The following KCNQ1 variants were observed in gnomAD, a reference collection of about 807,000 sequenced individuals.
KCNQ1 encodes potassium voltage-gated channel subfamily Q member 1.
KCNQ1 carries 49 observed loss-of-function variants against 72.4 expected under a neutral mutation model. That is an observed-to-expected ratio of 0.68 (90% CI 0.54 to 0.86). KCNQ1 has a LOEUF of 0.86. Among genes scored for constraint, KCNQ1 ranks in the 40% least tolerant of loss-of-function variants. KCNQ1 has a pLI of 0.00. For synonymous variants in KCNQ1, 450 were observed against 412.6 expected, an observed-to-expected ratio of 1.09 and a Z score of -1.10; for missense variants, 790 against 945.1, an observed-to-expected ratio of 0.84 and a Z score of 2.15.
Position 2,628,780 on chromosome 11 carries a change from T to C in KCNQ1, c.1394-33181T>C, listed in dbSNP as rs148996424. On this transcript the variant is annotated intron_variant, in intron 10 of 15. Coordinates refer to ENST00000155840, the MANE Select transcript of KCNQ1 (RefSeq NM_000218.3). ...TTTCAGGTCATATGTTTAAATCTTA[T>C]TCACTTTTCTCTACAGTGTAGGGTA... is the stretch of plus-strand genomic sequence containing the variant. 2,215 of 398,424 alleles carry C rather than the reference T, an allele frequency of 5.6e-3. 10 individuals carry two copies. Among genetic ancestry groups the C allele is most frequent in the Middle Eastern group, 0.021 (34 of 1,584 alleles). The allele number at this position is 398,424 out of a possible 1,614,324, so 24.7% of individuals were successfully genotyped here.
intron 1 of KCNQ1, among the ~76,000 whole-genome samples, chr11:2,469,901 C>T (rs1846417173): frequency 6.6e-6 from 1 of 151,976 alleles, no homozygotes; most frequent in Non-Finnish European, 1.5e-5. Context: ...ACCTCGTGAT[C>T]CGCCCGCCTC....
chr11:2,541,244 G>A lies in KCNQ1; in HGVS notation c.477+13226G>A, dbSNP rs768828340. ...AAATGTCAAGTGTGTGCCGAGAGGC[G>A]CAGGCCAGCCCCTTTTCCTGGCGGG... On this transcript the variant is annotated intron_variant, in intron 2 of 15. Coordinates refer to ENST00000155840, the MANE Select transcript of KCNQ1 (RefSeq NM_000218.3). This position sits in a 1 kb window ranked among gnomAD's most constrained non-coding sequence, Gnocchi z 4.8. 1.3e-5 allele frequency among the ~76,000 whole-genome samples: 2 copies of A among 152,242 alleles called. No individual in the cohort carries two copies. The highest frequency in any genetic ancestry group is 2.4e-5 in the African/African-American group (1 of 41,466).
intron 1 of KCNQ1, among the ~76,000 whole-genome samples, chr11:2,487,490 C>T (rs1429671671): frequency 6.6e-6 from 1 of 152,164 alleles, no homozygotes; most frequent in East Asian, 1.9e-4. Context: ...ACATTGTCTT[C>T]TAATCCATGA....
rs892461588 is a variant in KCNQ1, at chr11:2,495,043, C to T, written c.387-32885C>T. Among the ~76,000 whole-genome samples, 3 of 152,006 alleles carry T rather than the reference C, an allele frequency of 2.0e-5. No homozygotes were observed. The highest frequency in any genetic ancestry group is 2.1e-4 in the South Asian group (1 of 4,824). On this transcript the variant is annotated intron_variant, in intron 1 of 15. Transcript: ENST00000155840. This position sits in a 1 kb window ranked among gnomAD's most constrained non-coding sequence, Gnocchi z 4.6. ...CTTGTTGTTGGTCTATTCAGGGATT[C>T]GACTTTTTCCTGGTTTAGTCTTGGA...
intron 11 of KCNQ1, among the ~76,000 whole-genome samples, chr11:2,707,487 A>C (rs1241271218): frequency 6.6e-6 from 1 of 151,932 alleles, no homozygotes; most frequent in Non-Finnish European, 1.5e-5. Context: ...CCTGCCTCCA[A>C]CCTTACTCCT....
At chr11:2,675,946 C>A (rs1564854582) in intron 11 of KCNQ1, 1 of 398,630 alleles carries the variant, frequency 2.5e-6, no homozygotes. Flanking sequence ...ATGGTAAAAC[C>A]AATTCAGAGT....
In KCNQ1 at chr11:2,657,392, T is replaced by C. The variant is rs1241181477; in HGVS notation, c.1394-4569T>C. The C allele has an allele frequency of 1.5e-5, 6 of 398,438 alleles. No homozygotes were observed. The highest frequency in any genetic ancestry group is 4.4e-5 in the Admixed American group (1 of 22,722). The allele number at this position is 398,438 out of a possible 1,614,324, so 24.7% of individuals were successfully genotyped here. A position where few individuals can be genotyped will look rare whatever the true frequency, so the allele number is the denominator to read the frequency against. On this transcript the variant is annotated intron_variant, in intron 10 of 15. Transcript: ENST00000155840. The surrounding 1 kb of genome is among the most constrained non-coding windows in gnomAD (Gnocchi z 4.8). ...TCTTCTTCATTGTCTCTTACTAAAG[T>C]TTTACAATTTTCTCCAGAGTTCTTG... is the stretch of plus-strand genomic sequence containing the variant.
rs1217260976 is a variant in KCNQ1, at chr11:2,457,737, C to T, written c.386+12253C>T. 1.3e-5 allele frequency among the ~76,000 whole-genome samples: 2 copies of T among 151,662 alleles called. No individual in the cohort carries two copies. The highest frequency in any genetic ancestry group is 2.9e-5 in the Non-Finnish European group (2 of 68,002). On this transcript the variant is annotated intron_variant, in intron 1 of 15. Transcript: ENST00000155840. This position sits in a 1 kb window ranked among gnomAD's most constrained non-coding sequence, Gnocchi z 5.0. ...CCAAACCTCAGCATCATGCAATATACCTTTGTGACAAACCTGCACTTGTAC... is the reference window on the plus strand; with the variant it reads ...CCAAACCTCAGCATCATGCAATATATCTTTGTGACAAACCTGCACTTGTAC...
chr11:2,834,751 C>T (rs458441), intron 15 of KCNQ1, among the ~76,000 whole-genome samples: 1 of 152,214 alleles, frequency 6.6e-6, no homozygotes, highest in African/African-American at 2.4e-5. Context: ...CCAGATGGGC[C>T]TCGAATGCCA....
In KCNQ1 at chr11:2,817,866, C is replaced by G. The variant is rs942883851; in HGVS notation, c.1795-29901C>G. 6.6e-6 allele frequency among the ~76,000 whole-genome samples: 1 copy of G among 152,142 alleles called. No individual in the cohort carries two copies. The highest frequency in any genetic ancestry group is 1.5e-5 in the Non-Finnish European group (1 of 68,010). On this transcript the variant is annotated intron_variant, in intron 15 of 15. Coordinates refer to ENST00000155840, the MANE Select transcript of KCNQ1 (RefSeq NM_000218.3). The surrounding 1 kb of genome is among the most constrained non-coding windows in gnomAD (Gnocchi z 6.1). The stretch of plus-strand genomic sequence containing the variant: ...GTATGTTAGAAACCTCTGGCACTCT[C>G]CCCTCCCCAGCCAGCACCTACCAGC...
intron 11 of KCNQ1, among the ~76,000 whole-genome samples, chr11:2,747,266 A>T (rs183266964): frequency 1.3e-5 from 2 of 152,372 alleles, no homozygotes; most frequent in African/African-American, 4.8e-5. Flanking sequence ...GTCTTCTCCA[A>T]TGGGGACTGT....
chr11:2,485,352 C>G (rs1426812573), intron 1 of KCNQ1, among the ~76,000 whole-genome samples: 3 of 146,242 alleles, frequency 2.1e-5, no homozygotes, highest in Non-Finnish European at 4.5e-5. Flanking sequence ...GCCCTTCCCT[C>G]CCCACTCCAT....
rs231844 is a variant in KCNQ1, at chr11:2,715,799, G to A, written c.1515-53045G>A. Among the ~76,000 whole-genome samples, 14,850 of 152,246 alleles carry A rather than the reference G, an allele frequency of 0.098. 762 individuals are homozygous for A. The highest frequency in any genetic ancestry group is 0.11 in the African/African-American group (4,652 of 41,534). On this transcript the variant is annotated intron_variant, in intron 11 of 15. Transcript: ENST00000155840. This position sits in a 1 kb window ranked among gnomAD's most constrained non-coding sequence, Gnocchi z 4.9. ...AGGGTTGACCAGCTGGAGCAGCCCC[G>A]CATCCCACATCCCCGCAGCCTTGCG...
intron 11 of KCNQ1, chr11:2,672,275 A>T: frequency 2.5e-6 from 1 of 398,648 alleles, no homozygotes; most frequent in Non-Finnish European, 4.4e-6. Flanking sequence ...CTGCCCCACG[A>T]ACCCCACCAG....
At position 2,613,447 on chromosome 11, in the gene KCNQ1, T is replaced by C. The variant is rs1323008776; in HGVS notation, c.1393+24593T>C. On this transcript the variant is annotated intron_variant, in intron 10 of 15. Transcript: ENST00000155840. The surrounding 1 kb of genome is among the most constrained non-coding windows in gnomAD (Gnocchi z 4.8). ...ATAGTGCATAGGGTTTTCTATGGAA[T>C]TCAAAATCAGATGAGCCTTCTTTGT... 7 of 398,496 alleles carry C rather than the reference T, an allele frequency of 1.8e-5. No individual in the cohort carries two copies. The highest frequency in any genetic ancestry group is 8.2e-5 in the African/African-American group (4 of 48,624). The allele number at this position is 398,496 out of a possible 1,614,324, so 24.7% of individuals were successfully genotyped here. A position where few individuals can be genotyped will look rare whatever the true frequency, so the allele number is the denominator to read the frequency against.
At chr11:2,597,991 A>T (rs1219691681) in intron 10 of KCNQ1, among the ~76,000 whole-genome samples, 3 of 152,042 alleles carry the variant, frequency 2.0e-5, no homozygotes, top group African/African-American at 7.2e-5. Context: ...CACATGAGAA[A>T]TTTATGTTTT....
rs1850510717 is a variant in KCNQ1, at chr11:2,687,493, C to T, written c.1514+25412C>T. On this transcript the variant is annotated intron_variant, in intron 11 of 15. Coordinates refer to ENST00000155840, the MANE Select transcript of KCNQ1 (RefSeq NM_000218.3). The surrounding 1 kb of genome is among the most constrained non-coding windows in gnomAD (Gnocchi z 5.0). ...AGCATTTCAATAGGGCCATCCCAGG[C>T]ACCCTAGGACTTGAGACCAGCCTCC... 5.0e-6 allele frequency: 2 copies of T among 398,714 alleles called. No individual in the cohort carries two copies. The highest frequency in any genetic ancestry group is 7.1e-5 in the East Asian group (2 of 28,056). 24.7% of individuals were successfully genotyped at this position (398,714 alleles called of 1,614,324 possible). A position where few individuals can be genotyped will look rare whatever the true frequency, so the allele number is the denominator to read the frequency against.
At position 2,571,358 on chromosome 11, in the gene KCNQ1, T is replaced by A; in HGVS notation, c.638T>A (p.Leu213His). 6.2e-7 allele frequency: 1 copy of A among 1,613,198 alleles called. No individual in the cohort carries two copies. Among genetic ancestry groups the A allele is most frequent in the East Asian group, 2.2e-5 (1 of 44,860 alleles). The change falls in exon 4 of 16, where the codon CTC becomes CAC. Residue 213 changes from leucine to histidine, a missense_variant. Physicochemically the swap from Leu to His is moderately conservative, Grantham distance 99. Around this residue, in one of 5 missense-constraint regions of KCNQ1, gnomAD observed 294 missense variants for 323.3 expected, o/e 0.91. Coordinates refer to ENST00000155840, the MANE Select transcript of KCNQ1 (RefSeq NM_000218.3). ...LIVVVASMVV[L>H]CVGSKGQVFA... ...GTGGTCGTGGCCTCCATGGTGGTCCTCTGCGTGGGCTCCAAGGGGCAGGTG... is the reference window on the plus strand; with the variant it reads ...GTGGTCGTGGCCTCCATGGTGGTCCACTGCGTGGGCTCCAAGGGGCAGGTG...
chr11:2,770,941 G>A (rs908041641), intron 12 of KCNQ1, among the ~76,000 whole-genome samples: 2 of 152,252 alleles, frequency 1.3e-5, no homozygotes, highest in Non-Finnish European at 2.9e-5. Context: ...GAGGGCAGAG[G>A]AGACCATGGG....
Sources: gnomAD v4.1 joint callset for allele counts (sites outside exome capture counted in the v4.1 genomes callset) on GRCh38, gnomAD v4.1.1 for gene constraint, gnomAD v4.1.1 regional missense constraint, Gnocchi (gnomAD v3.1) non-coding constraint, MANE v1.5 for transcripts, NCBI Gene and HGNC (gene_info 2026-07-23, HGNC 2026-07-21) for gene names.